Variants in KCNMA1 observed in about 807,000 individuals in gnomAD.
KCNMA1 encodes the protein potassium calcium-activated channel subfamily M alpha 1.
In KCNMA1, 29 loss-of-function variants were observed where a neutral mutation model predicts 140.0. The observed-to-expected ratio is 0.21, with a 90% confidence interval of 0.15 to 0.28. The LOEUF is 0.28. Among genes scored for constraint, KCNMA1 ranks in the 10% least tolerant of loss-of-function variants. The pLI, the probability that KCNMA1 is intolerant of heterozygous loss-of-function variation, is 1.00. For missense variants in KCNMA1, 880 were observed against 1,602.2 expected, an observed-to-expected ratio of 0.55 and a Z score of 7.70; for synonymous variants, 612 against 611.9, an observed-to-expected ratio of 1.00 and a Z score of 0.00.
At chr10:77,416,465 C>T (rs1218198372) in intron 1 of KCNMA1, among the ~76,000 whole-genome samples, 1 of 152,236 alleles carries the variant, frequency 6.6e-6, no homozygotes, top group Non-Finnish European at 1.5e-5. Flanking sequence ...ACCGTGGCCC[C>T]AAGCCACCAC....
chr10:77,080,055 G>A lies in KCNMA1; in HGVS notation c.1524-505C>T, dbSNP rs541046533. ...TGGGGAAGCCACCATGAGGAACAAAGAAGGCCATGAAAGAGGAAACCCTTT... is the reference window on the plus strand; with the variant it reads ...TGGGGAAGCCACCATGAGGAACAAAAAAGGCCATGAAAGAGGAAACCCTTT... On this transcript the variant is annotated intron_variant, in intron 12 of 27. Transcript: ENST00000286628. Among the ~76,000 whole-genome samples, 7 of 152,210 alleles carry A rather than the reference G, an allele frequency of 4.6e-5. 1 individual carries two copies. Among genetic ancestry groups the A allele is most frequent in the Admixed American group, 4.6e-4 (7 of 15,304 alleles).
chr10:77,567,351 C>T (rs940437503), intron 1 of KCNMA1, among the ~76,000 whole-genome samples: 3 of 152,204 alleles, frequency 2.0e-5, no homozygotes, highest in African/African-American at 7.2e-5. Flanking sequence ...GCCAGAGCCT[C>T]GCAGTCCAAG....
intron 5 of KCNMA1, among the ~76,000 whole-genome samples, chr10:77,177,237 TCTTTCTTCCTTCCTTC>T (rs1327627994): frequency 1.3e-5 from 2 of 152,072 alleles, no homozygotes; most frequent in Non-Finnish European, 2.9e-5. Context: ...AAGGCCTCTC[TCTTTCTTCCTTCCTTC>T]CTTTCTTCCT....
intron 1 of KCNMA1, among the ~76,000 whole-genome samples, chr10:77,424,949 G>A (rs969164682): frequency 6.6e-6 from 1 of 152,256 alleles, no homozygotes; most frequent in African/African-American, 2.4e-5. Flanking sequence ...CCATGAGCAG[G>A]AAGGAGAGGC....
At chr10:77,001,201 C>A (rs11001963) in intron 19 of KCNMA1, among the ~76,000 whole-genome samples, 1 of 151,678 alleles carries the variant, frequency 6.6e-6, no homozygotes, top group Admixed American at 6.6e-5. Context: ...TTACGAGAAG[C>A]GTAAGTTAAG....
At chr10:77,404,800 C>T (rs926515304) in intron 1 of KCNMA1, among the ~76,000 whole-genome samples, 15 of 152,180 alleles carry the variant, frequency 9.9e-5, no homozygotes, top group African/African-American at 3.4e-4. Context: ...GTCCTTTCTA[C>T]CCCCTGCCAA....
chr10:77,006,039 C>A (rs1420522119), intron 18 of KCNMA1, among the ~76,000 whole-genome samples: 2 of 152,216 alleles, frequency 1.3e-5, no homozygotes, highest in Non-Finnish European at 2.9e-5. Flanking sequence ...TCTCTGCTGG[C>A]TGGCCTTTCT....
rs1403213210 is a variant in KCNMA1 at position 77,183,502 on chromosome 10, A to G, written c.727T>C (p.Trp243Arg). The G allele has an allele frequency of 6.2e-7, 1 of 1,613,810 alleles. No individual in the cohort carries two copies. The highest frequency in any genetic ancestry group is 8.5e-7 in the Non-Finnish European group (1 of 1,179,840). Residue 243 changes from tryptophan to arginine, a missense_variant, in exon 5 of 28, where the codon TGG becomes CGG. Transcript: ENST00000286628. ...TCCACTACAGAGTTCACTTCCAGCCAGAACCACAATTTATCGTTGGCTGCA... is the reference window on the plus strand; with the variant it reads ...TCCACTACAGAGTTCACTTCCAGCCGGAACCACAATTTATCGTTGGCTGCA... ...FIAANDKLWF[W>R]LEVNSVVDFF...
At chr10:77,490,565 C>T (rs1203610787) in intron 1 of KCNMA1, among the ~76,000 whole-genome samples, 2 of 152,180 alleles carry the variant, frequency 1.3e-5, no homozygotes, top group Admixed American at 1.3e-4. Flanking sequence ...GTGTAGAGTG[C>T]CTACAACACG....
At chr10:77,563,143 C>T (rs1157597890) in intron 1 of KCNMA1, among the ~76,000 whole-genome samples, 2 of 151,782 alleles carry the variant, frequency 1.3e-5, no homozygotes, top group African/African-American at 2.4e-5. Flanking sequence ...TTTCCAAACC[C>T]GTAGGTAGCT....
chr10:77,159,593 A>T (rs2098531874), intron 5 of KCNMA1, among the ~76,000 whole-genome samples: 1 of 152,070 alleles, frequency 6.6e-6, no homozygotes, highest in African/African-American at 2.4e-5. Context: ...TTACACCTAC[A>T]TCCTTGCTTT....
chr10:77,260,832 G>A (rs2061810973), intron 2 of KCNMA1, among the ~76,000 whole-genome samples: 1 of 152,190 alleles, frequency 6.6e-6, no homozygotes, highest in Non-Finnish European at 1.5e-5. Flanking sequence ...GATATAGGGA[G>A]CATTACGTGA....
chr10:77,469,184 A>G lies in KCNMA1; in HGVS notation c.379-65161T>C, dbSNP rs144205185. Among the ~76,000 whole-genome samples, 604 of 152,258 alleles carry G rather than the reference A, an allele frequency of 4.0e-3. 5 individuals carry two copies. The highest frequency in any genetic ancestry group is 0.014 in the African/African-American group (561 of 41,548). On this transcript the variant is annotated intron_variant, in intron 1 of 27. Coordinates refer to ENST00000286628, the MANE Select transcript of KCNMA1 (RefSeq NM_001161352.2). ...CCACCCAATACCTTCAAAGGCCACAATAGGAACCCCGCTACTCCTTGGTTT... is the reference window on the plus strand; with the variant it reads ...CCACCCAATACCTTCAAAGGCCACAGTAGGAACCCCGCTACTCCTTGGTTT...
chr10:77,221,733 C>T (rs1268479645), intron 3 of KCNMA1, among the ~76,000 whole-genome samples: 1 of 152,102 alleles, frequency 6.6e-6, no homozygotes, highest in East Asian at 1.9e-4. Context: ...CTTCCTGGCT[C>T]CCTGCCCACC....
intron 20 of KCNMA1, among the ~76,000 whole-genome samples, chr10:76,959,003 G>A (rs1426578357): frequency 2.0e-5 from 3 of 152,060 alleles, no homozygotes; most frequent in African/African-American, 4.8e-5. Flanking sequence ...AAAGCATCCC[G>A]CCATTATTTC....
At chr10:77,614,740 C>T (rs2088661712) in intron 1 of KCNMA1, among the ~76,000 whole-genome samples, 1 of 152,146 alleles carries the variant, frequency 6.6e-6, no homozygotes, top group African/African-American at 2.4e-5. Flanking sequence ...AACCCCATGC[C>T]CTTTCCACCT....
At chr10:77,131,521 C>A (rs2097857072) in intron 5 of KCNMA1, among the ~76,000 whole-genome samples, 1 of 152,046 alleles carries the variant, frequency 6.6e-6, no homozygotes, top group Non-Finnish European at 1.5e-5. Flanking sequence ...CAAAACTGGG[C>A]AAAACTGATA....
chr10:77,053,870 A>AT (rs990525590), intron 14 of KCNMA1, among the ~76,000 whole-genome samples: 56 of 151,942 alleles, frequency 3.7e-4, no homozygotes, highest in African/African-American at 1.3e-3. Context: ...AAGCTCTTCC[A>AT]TTTTTTTTAC....
chr10:76,951,933 G>A, intron 21 of KCNMA1: 1 of 1,111,852 alleles, frequency 9.0e-7, no homozygotes, highest in Non-Finnish European at 1.3e-6. Flanking sequence ...CGTTGTCAGG[G>A]ATTGCATCTC....
Sources: gnomAD v4.1 joint callset for allele counts (sites outside exome capture counted in the v4.1 genomes callset) on GRCh38, gnomAD v4.1.1 for gene constraint, MANE v1.5 for transcripts, NCBI Gene and HGNC (gene_info 2026-07-23, HGNC 2026-07-21) for gene names.